The following CPS1 variants were observed in gnomAD, a reference collection of about 807,000 sequenced individuals.
CPS1 encodes carbamoyl-phosphate synthase 1.
Under a neutral mutation model 174.6 loss-of-function variants are expected in CPS1, and 109 were observed. The ratio of observed to expected loss-of-function variants is 0.62; its 90% confidence interval spans 0.53 to 0.73. The LOEUF (loss-of-function observed/expected upper bound fraction) is 0.73, where lower values mean the gene tolerates loss of function less well. CPS1 is among the 30% of genes least tolerant of loss of function. The pLI is 0.00. For missense variants in CPS1, 1,689 were observed against 1,821.9 expected (o/e 0.93, Z 1.33); for synonymous variants, 637 against 632.0 (o/e 1.01, Z -0.12).
chr2:210,502,376 TA>T (rs1559738320), intron 1 of CPS1, among the ~76,000 whole-genome samples: 4 of 97,990 alleles, frequency 4.1e-5, no homozygotes, highest in South Asian at 3.5e-4. Context: ...TCTATATATA[TA>T]TATTTTTTTA....
At chr2:210,568,967 T>C (rs1240300611) in intron 1 of CPS1, among the ~76,000 whole-genome samples, 2 of 152,122 alleles carry the variant, frequency 1.3e-5, no homozygotes, top group Non-Finnish European at 2.9e-5. Flanking sequence ...GCTTTTTTTT[T>C]CTACTATAAC....
intron 29 of CPS1, among the ~76,000 whole-genome samples, chr2:210,656,064 T>C (rs13010236): frequency 0.08 from 12,211 of 152,266 alleles, 485 homozygotes; most frequent in Middle Eastern, 0.11. Flanking sequence ...TCTTTCAAAC[T>C]TCCATTTAAT....
intron 25 of CPS1, among the ~76,000 whole-genome samples, chr2:210,645,655 T>C (rs1038600172): frequency 4.6e-5 from 7 of 152,124 alleles, no homozygotes; most frequent in African/African-American, 1.7e-4. Flanking sequence ...TGGTGGTGCA[T>C]GCCTGTAATC....
At chr2:210,523,688 G>A (rs1453455489) in intron 1 of CPS1, among the ~76,000 whole-genome samples, 1 of 151,950 alleles carries the variant, frequency 6.6e-6, no homozygotes, top group Non-Finnish European at 1.5e-5. Flanking sequence ...TTCTTTTTAT[G>A]GCTAAATATT....
At chr2:210,633,051 A>C (rs1699918861) in intron 21 of CPS1, among the ~76,000 whole-genome samples, 2 of 152,228 alleles carry the variant, frequency 1.3e-5, no homozygotes, top group Non-Finnish European at 2.9e-5. Flanking sequence ...GTCTAGCTTG[A>C]TACATCTGTT....
rs768456730 is a variant in CPS1, at chr2:210,650,483, A to G, written c.3480+45A>G. 5 of 1,267,330 alleles carry G rather than the reference A, an allele frequency of 3.9e-6. No homozygotes were observed. In the East Asian group the frequency reaches 1.2e-4, roughly 29 times the overall value. The allele number at this position is 1,267,330 out of a possible 1,614,324, so 78.5% of individuals were successfully genotyped here. On this transcript the variant is annotated intron_variant, in intron 28 of 37. Coordinates refer to ENST00000233072, the MANE Select transcript of CPS1 (RefSeq NM_001875.5). Reference sequence around the variant, plus strand: ...TAGTGACTGTTATCTCTTAATAAACATGTAGTGACATTTATCTCTTAATAA... The same window carrying G: ...TAGTGACTGTTATCTCTTAATAAACGTGTAGTGACATTTATCTCTTAATAA...
intron 3 of CPS1, 60 bp downstream of exon 3, chr2:210,576,550 C>A: frequency 6.3e-7 from 1 of 1,598,700 alleles, no homozygotes; most frequent in South Asian, 1.1e-5. Flanking sequence ...TTGACTTATT[C>A]TTAAGAATTA....
chr2:210,581,534 A>G (rs1382256311), intron 5 of CPS1, among the ~76,000 whole-genome samples: 1 of 152,168 alleles, frequency 6.6e-6, no homozygotes, highest in African/African-American at 2.4e-5. Flanking sequence ...GGGGAAGGAG[A>G]ACTAAAAACC....
chr2:210,589,759 G>A (rs1040747191), intron 7 of CPS1, among the ~76,000 whole-genome samples: 22 of 151,676 alleles, frequency 1.5e-4, no homozygotes, highest in Non-Finnish European at 3.2e-4. Flanking sequence ...TCCTGGACTC[G>A]GGTGATCCTC....
intron 1 of CPS1, among the ~76,000 whole-genome samples, chr2:210,508,020 A>G (rs1304661526): frequency 6.6e-6 from 1 of 152,158 alleles, no homozygotes; most frequent in African/African-American, 2.4e-5. Context: ...GTTCTGCACC[A>G]AGCAGACCTA....
intron 4 of CPS1, among the ~76,000 whole-genome samples, chr2:210,578,571 C>T (rs1023506517): frequency 1.3e-5 from 2 of 152,090 alleles, no homozygotes; most frequent in Admixed American, 6.6e-5. Flanking sequence ...TTTTATTCTA[C>T]GAAAGTGCTG....
rs556011365 is a variant in CPS1, at chr2:210,512,879, G to GATAT, written c.3+35120_3+35123dup. Reference sequence around the variant, plus strand: ...ATATATATAGATATATATATATAGAGATATATATATGGAGATATATATATA... The same window carrying GATAT: ...ATATATATAGATATATATATATAGAGATATATATATATATGGAGATATATATATA... On this transcript the variant is annotated intron_variant, in intron 1 of 38. Coordinates refer to the CPS1 transcript ENST00000430249. Among the ~76,000 whole-genome samples the GATAT allele has an allele frequency of 1.6e-4, 11 of 70,322 alleles. 1 individual carries two copies. The highest frequency in any genetic ancestry group is 5.3e-4 in the South Asian group (1 of 1,876). 46.1% of individuals were successfully genotyped at this position (70,322 alleles called of 152,430 possible). A position where few individuals can be genotyped will look rare whatever the true frequency, so the allele number is the denominator to read the frequency against.
chr2:210,619,816 A>T (rs967495185), intron 21 of CPS1: 2 of 151,838 alleles, frequency 1.3e-5, no homozygotes, highest in African/African-American at 4.8e-5. Context: ...ATTGATGGTC[A>T]GTCTCTGACT....
chr2:210,526,231 G>A (rs568901240), intron 1 of CPS1, among the ~76,000 whole-genome samples: 89 of 152,000 alleles, frequency 5.9e-4, no homozygotes, highest in South Asian at 5.4e-3. Context: ...GGGGCTTGTC[G>A]TGGGTTGGAG....
chr2:210,489,485 C>T (rs775213955), intron 1 of CPS1, among the ~76,000 whole-genome samples: 29 of 152,138 alleles, frequency 1.9e-4, no homozygotes, highest in East Asian at 5.8e-4. Flanking sequence ...ATAGACTGAC[C>T]CAGAAACAGA....
intron 6 of CPS1, among the ~76,000 whole-genome samples, chr2:210,586,770 T>C (rs369894854): frequency 1.5e-4 from 23 of 152,096 alleles, no homozygotes; most frequent in African/African-American, 5.1e-4. Flanking sequence ...CTTTGTTTCT[T>C]AATGTCAGTG....
chr2:210,615,455 A>C (rs1459837984), intron 20 of CPS1, among the ~76,000 whole-genome samples: 1 of 151,994 alleles, frequency 6.6e-6, no homozygotes, highest in Non-Finnish European at 1.5e-5. Flanking sequence ...CTTTAAGAAA[A>C]GTAAGCTCCC....
At chr2:210,602,403 G>T (rs995665802) in intron 16 of CPS1, 73 bp downstream of exon 16, 1 of 1,523,242 alleles carries the variant, frequency 6.6e-7, no homozygotes, top group African/African-American at 1.4e-5. Flanking sequence ...ACTAGAGAAA[G>T]TTATGTAGAT....
intron 32 of CPS1, among the ~76,000 whole-genome samples, chr2:210,660,904 T>G (rs1471734983): frequency 2.6e-5 from 4 of 152,224 alleles, no homozygotes; most frequent in Admixed American, 2.6e-4. Flanking sequence ...CTGAGTGAAT[T>G]ATAAGCTTTT....
Sources: gnomAD v4.1 joint callset for allele counts (sites outside exome capture counted in the v4.1 genomes callset) on GRCh38, gnomAD v4.1.1 for gene constraint, MANE v1.5 for transcripts, NCBI Gene and HGNC (gene_info 2026-07-23, HGNC 2026-07-21) for gene names.